The following KLF17 variants were observed in gnomAD, a reference collection of about 807,000 sequenced individuals.
The protein encoded by KLF17 is KLF transcription factor 17.
Under a neutral mutation model 34.2 loss-of-function variants are expected in KLF17, and 31 were observed. That is an observed-to-expected ratio of 0.91 (90% confidence interval 0.68 to 1.22). The LOEUF (loss-of-function observed/expected upper bound fraction) is 1.22. Ranked by LOEUF, KLF17 falls within the 50% of genes most tolerant of loss-of-function variation. KLF17 has a pLI of 0.00. For missense variants in KLF17, 478 were observed against 505.2 expected (o/e 0.95, Z 0.52); for synonymous variants, 179 against 186.7 (o/e 0.96, Z 0.34).
At chr1:44,102,390 T>C in the KLF17 span, among the ~76,000 whole-genome samples, 7 of 151,740 alleles carry the variant, frequency 4.6e-5, no homozygotes, top group Non-Finnish European at 1.0e-4. Flanking sequence ...CTGTCTCTAC[T>C]AAAAATACAA....
chr1:44,087,800 A>G, the KLF17 span, among the ~76,000 whole-genome samples: 4 of 125,120 alleles, frequency 3.2e-5, no homozygotes, highest in Admixed American at 8.0e-5. Flanking sequence ...ACACACACAC[A>G]CGCATATATA....
At chr1:44,089,097 G>A in the KLF17 span, among the ~76,000 whole-genome samples, 10 of 152,162 alleles carry the variant, frequency 6.6e-5, no homozygotes, top group African/African-American at 2.4e-4. Flanking sequence ...CAAGAAGGAG[G>A]GAGCATAACC....
At chr1:44,104,736 C>T in the KLF17 span, 2 of 312,052 alleles carry the variant, frequency 6.4e-6, no homozygotes, top group African/African-American at 2.1e-5. Flanking sequence ...ATCCAGTAAC[C>T]CTGTTGTTCA....
the KLF17 span, among the ~76,000 whole-genome samples, chr1:44,049,856 T>A: frequency 6.6e-6 from 1 of 152,242 alleles, no homozygotes; most frequent in African/African-American, 2.4e-5. Flanking sequence ...CATTGTGGTA[T>A]ACTATTCCAT....
chr1:44,046,478 C>T, the KLF17 span, among the ~76,000 whole-genome samples: 414 of 151,936 alleles, frequency 2.7e-3, 1 homozygote, highest in African/African-American at 9.7e-3. Flanking sequence ...TCCTTGGCCT[C>T]CCAAAGTACT....
chr1:44,116,924 C>T (rs1002939717), upstream of KLF17, among the ~76,000 whole-genome samples: 3 of 152,180 alleles, frequency 2.0e-5, no homozygotes, highest in Non-Finnish European at 4.4e-5. Flanking sequence ...AAATGGAATT[C>T]TTGTTTCAGT....
At chr1:44,113,344 G>A in the KLF17 span, among the ~76,000 whole-genome samples, 1 of 152,212 alleles carries the variant, frequency 6.6e-6, no homozygotes. Flanking sequence ...GTGGTCCTTA[G>A]AGCAGGACAG....
the KLF17 span, among the ~76,000 whole-genome samples, chr1:44,085,631 A>G: frequency 2.0e-5 from 3 of 151,968 alleles, no homozygotes; most frequent in Non-Finnish European, 4.4e-5. Context: ...CATCTCTACA[A>G]AAAATAAAAA....
the KLF17 span, among the ~76,000 whole-genome samples, chr1:44,085,350 G>T: frequency 2.0e-5 from 3 of 152,278 alleles, no homozygotes; most frequent in African/African-American, 7.2e-5. Context: ...GACAGAAGAG[G>T]ATTGCAATTT....
the KLF17 span, among the ~76,000 whole-genome samples, chr1:44,110,947 A>T: frequency 6.6e-6 from 1 of 151,768 alleles, no homozygotes; most frequent in Non-Finnish European, 1.5e-5. Flanking sequence ...ACAAAGCGAA[A>T]CCCCATCTTA....
At chr1:44,053,457 C>CT in the KLF17 span, among the ~76,000 whole-genome samples, 4 of 152,000 alleles carry the variant, frequency 2.6e-5, no homozygotes, top group Non-Finnish European at 5.9e-5. Context: ...TCCCCTAGTT[C>CT]TGGGGGGGGA....
chr1:44,080,445 A>G, the KLF17 span, among the ~76,000 whole-genome samples: 402 of 149,386 alleles, frequency 2.7e-3, no homozygotes, highest in Non-Finnish European at 4.5e-3. Flanking sequence ...TCACCATGTT[A>G]GCCAGTATGG....
chr1:44,080,861 T>C, the KLF17 span, among the ~76,000 whole-genome samples: 1 of 151,198 alleles, frequency 6.6e-6, no homozygotes, highest in Non-Finnish European at 1.5e-5. Context: ...ACTATAGGCA[T>C]GTGCCACCAT....
chr1:44,091,965 T>A, the KLF17 span, among the ~76,000 whole-genome samples: 4,269 of 80,066 alleles, frequency 0.053, 170 homozygotes, highest in African/African-American at 0.15. Context: ...ACACACACTC[T>A]CTCTCTCTCT....
At chr1:44,127,693 TTTC>T (rs2088038876) in intron 1 of KLF17, among the ~76,000 whole-genome samples, 1 of 4,486 alleles carries the variant, frequency 2.2e-4, no homozygotes, top group Admixed American at 2.5e-3. Flanking sequence ...TTTCTTTCTT[TTTC>T]TTTCTTTCTT....
the KLF17 span, among the ~76,000 whole-genome samples, chr1:44,075,351 AT>A: frequency 1.3e-5 from 2 of 152,060 alleles, no homozygotes; most frequent in East Asian, 1.9e-4. Flanking sequence ...GAGGGCACAC[AT>A]TTTTTTCATG....
the KLF17 span, among the ~76,000 whole-genome samples, chr1:44,066,551 G>T: frequency 6.6e-6 from 1 of 152,044 alleles, no homozygotes; most frequent in Non-Finnish European, 1.5e-5. Flanking sequence ...ATATTGGTCA[G>T]TGAGATCTCT....
chr1:44,093,880 C>G, the KLF17 span, among the ~76,000 whole-genome samples: 6 of 152,182 alleles, frequency 3.9e-5, no homozygotes, highest in Non-Finnish European at 8.8e-5. Context: ...GAAGTTATCT[C>G]TTTACCAAGT....
At chr1:44,086,736 AT>A in the KLF17 span, among the ~76,000 whole-genome samples, 2 of 152,144 alleles carry the variant, frequency 1.3e-5, no homozygotes, top group African/African-American at 4.8e-5. Flanking sequence ...AAGGCAGAGG[AT>A]TTGTGTAAGG....
Sources: allele counts gnomAD v4.1 joint callset (sites outside exome capture counted in the v4.1 genomes callset), GRCh38; gene constraint gnomAD v4.1.1; transcripts MANE v1.5; gene names NCBI Gene and HGNC (gene_info 2026-07-23, HGNC 2026-07-21).